Variants in RNF144A observed in about 807,000 individuals in gnomAD.
RNF144A encodes the protein ring finger protein 144A.
A neutral mutation model predicts 38.7 loss-of-function variants in RNF144A; 11 were observed. The ratio of observed to expected loss-of-function variants is 0.28; its 90% CI spans 0.18 to 0.47. The LOEUF (loss-of-function observed/expected upper bound fraction) is 0.47, where lower values mean the gene tolerates loss of function less well. Ranked by LOEUF, RNF144A falls within the 20% of genes least tolerant of loss-of-function variation. The probability of loss-of-function intolerance (pLI) is 0.99; values close to 1 mark genes in which losing one functional copy is unlikely to be tolerated. For missense variants in RNF144A, 316 were observed against 377.2 expected (o/e 0.84, Z 1.34); for synonymous variants, 149 against 143.9 (o/e 1.04, Z -0.25).
chr2:7,029,470 C>G (rs1271739836), intron 7 of RNF144A, among the ~76,000 whole-genome samples: 1 of 152,180 alleles, frequency 6.6e-6, no homozygotes, highest in African/African-American at 2.4e-5. Context: ...CACAGGTGTT[C>G]CTGGAGTGCA....
intron 2 of RNF144A, among the ~76,000 whole-genome samples, chr2:6,985,759 G>T (rs952953462): frequency 6.6e-6 from 1 of 152,144 alleles, no homozygotes; most frequent in African/African-American, 2.4e-5. Flanking sequence ...TGCAAGCTCC[G>T]CCTCCTGGGT....
intron 8 of RNF144A, 83 bp from the exon 9 acceptor site, chr2:7,039,546 A>G: frequency 8.4e-6 from 13 of 1,554,744 alleles, no homozygotes; most frequent in Non-Finnish European, 1.1e-5. Flanking sequence ...ATGGATGGGT[A>G]GCTGGTTGTG....
rs1241219423 is a variant in RNF144A, at chr2:7,042,494, G to A, written c.*2734G>A. ...GGGGAGTAAGGGGCGAAGGCCCTTA[G>A]ACAACCATGGCTGCTGTACTGCCGC... On this transcript the variant is annotated 3_prime_UTR_variant, in exon 9 of 9. Coordinates refer to ENST00000320892, the MANE Select transcript of RNF144A (RefSeq NM_014746.6). 1 of 985,404 alleles carries A rather than the reference G, an allele frequency of 1.0e-6. No individual in the cohort carries two copies. Among genetic ancestry groups the A allele is most frequent in the African/African-American group, 1.7e-5 (1 of 57,256 alleles). The allele number at this position is 985,404 out of a possible 1,614,324, so 61.0% of individuals were successfully genotyped here.
chr2:7,011,743 T>A (rs1670824437), intron 3 of RNF144A, among the ~76,000 whole-genome samples: 1 of 152,246 alleles, frequency 6.6e-6, no homozygotes, highest in African/African-American at 2.4e-5. Context: ...TCAAGACATC[T>A]TTTTGCAATT....
chr2:6,959,163 T>C (rs144740613), intron 2 of RNF144A, among the ~76,000 whole-genome samples: 1 of 152,308 alleles, frequency 6.6e-6, no homozygotes, highest in African/African-American at 2.4e-5. Flanking sequence ...GGTGATCTGA[T>C]ACATCAGAAG....
chr2:7,068,281 G>A, exon 7 of RNF144A: 1 of 1,294,184 alleles, frequency 7.7e-7, no homozygotes, highest in Non-Finnish European at 1.0e-6. Flanking sequence ...TGTAAGAGGT[G>A]GGTTGTTTAT....
At chr2:7,064,654 T>C (rs549876598) in intron 6 of RNF144A, among the ~76,000 whole-genome samples, 8 of 152,262 alleles carry the variant, frequency 5.3e-5, no homozygotes, top group African/African-American at 1.7e-4. Context: ...ACACAGGCTG[T>C]AGATTAAGGA....
chr2:7,059,754 T>G (rs1354149814), intron 6 of RNF144A, among the ~76,000 whole-genome samples: 1 of 152,144 alleles, frequency 6.6e-6, no homozygotes, highest in Non-Finnish European at 1.5e-5. Context: ...ACCCAGCACT[T>G]TCCTTCTCAG....
chr2:7,006,938 A>C (rs1670481467), intron 3 of RNF144A, among the ~76,000 whole-genome samples: 1 of 152,152 alleles, frequency 6.6e-6, no homozygotes, highest in Non-Finnish European at 1.5e-5. Context: ...CCGATTCCTG[A>C]TAGTGGCTTT....
chr2:7,042,747 T>C lies in RNF144A; in HGVS notation c.*2987T>C, dbSNP rs1262228335. On this transcript the variant is annotated 3_prime_UTR_variant, in exon 9 of 9. Coordinates refer to ENST00000320892, the MANE Select transcript of RNF144A (RefSeq NM_014746.6). ...AGATGTCCACGTAGCAGAGACTGACTTAGGATCTGAGATAAAGCATCGGAT... is the reference window on the plus strand; with the variant it reads ...AGATGTCCACGTAGCAGAGACTGACCTAGGATCTGAGATAAAGCATCGGAT... 3.0e-6 allele frequency: 3 copies of C among 985,362 alleles called. No individual in the cohort carries two copies. The highest frequency in any genetic ancestry group is 1.7e-5 in the African/African-American group (1 of 57,234). 61.0% of individuals were successfully genotyped at this position (985,362 alleles called of 1,614,324 possible). A position where few individuals can be genotyped will look rare whatever the true frequency, so the allele number is the denominator to read the frequency against.
In RNF144A at chr2:7,065,743, T is replaced by G. The variant is rs1205298578; in HGVS notation, c.735-2473T>G. Among the ~76,000 whole-genome samples, 5 of 152,264 alleles carry G rather than the reference T, an allele frequency of 3.3e-5. No individual in the cohort carries two copies. The South Asian group carries it at 1.0e-3, about 31-fold the overall frequency. On this transcript the variant is annotated intron_variant, in intron 6 of 6. Coordinates refer to the RNF144A transcript ENST00000432850. ...TTTTGTTATTTATGGACAGTTATTA[T>G]TTTACTTTGGTTCTTCTCTGAAAGC...
chr2:7,049,691 A>G (rs995994079), intron 6 of RNF144A, among the ~76,000 whole-genome samples: 2 of 152,246 alleles, frequency 1.3e-5, no homozygotes, highest in African/African-American at 4.8e-5. Flanking sequence ...ATGACAAAGG[A>G]GGAATCAACA....
chr2:7,068,835 C>T (rs1364960099), downstream of RNF144A, among the ~76,000 whole-genome samples: 1 of 152,154 alleles, frequency 6.6e-6, no homozygotes, highest in Non-Finnish European at 1.5e-5. Context: ...ACCCAAGGGG[C>T]TTGCATAGAC....
chr2:6,936,609 GAA>G (rs1665601808), intron 1 of RNF144A, among the ~76,000 whole-genome samples: 1 of 152,174 alleles, frequency 6.6e-6, no homozygotes, highest in Admixed American at 6.5e-5. Flanking sequence ...CACACTTGGT[GAA>G]AGAAAGAAAT....
intron 1 of RNF144A, among the ~76,000 whole-genome samples, chr2:6,927,613 G>A (rs1259946330): frequency 1.3e-5 from 2 of 152,206 alleles, no homozygotes; most frequent in Admixed American, 6.5e-5. Flanking sequence ...TGTCCTCTGC[G>A]GTAGCTACTG....
At chr2:6,928,963 G>A (rs761586447) in intron 1 of RNF144A, among the ~76,000 whole-genome samples, 47 of 152,128 alleles carry the variant, frequency 3.1e-4, no homozygotes, top group Middle Eastern at 6.3e-3. Context: ...TGGCATTTTG[G>A]GGGTGACATG....
chr2:6,972,455 G>T (rs998238077), intron 2 of RNF144A, among the ~76,000 whole-genome samples: 2 of 152,182 alleles, frequency 1.3e-5, no homozygotes, highest in African/African-American at 2.4e-5. Flanking sequence ...TAATTTTTCA[G>T]GTGGATTGGG....
chr2:7,059,806 G>T (rs568762942), intron 6 of RNF144A, among the ~76,000 whole-genome samples: 1 of 152,336 alleles, frequency 6.6e-6, no homozygotes, highest in Non-Finnish European at 1.5e-5. Context: ...AGAGGAGAAA[G>T]GGTGAGAGAG....
At chr2:7,024,735 A>T (rs1475684936) in intron 7 of RNF144A, among the ~76,000 whole-genome samples, 1 of 152,178 alleles carries the variant, frequency 6.6e-6, no homozygotes, top group Non-Finnish European at 1.5e-5. Flanking sequence ...TGGGGTCTAA[A>T]CACTTCATGC....
Sources: allele counts gnomAD v4.1 joint callset (sites outside exome capture counted in the v4.1 genomes callset), GRCh38; gene constraint gnomAD v4.1.1; transcripts MANE v1.5; gene names NCBI Gene and HGNC (gene_info 2026-07-23, HGNC 2026-07-21).